The following ADAMTS2 variants were observed in gnomAD, a reference collection of about 807,000 sequenced individuals.
ADAMTS2 encodes ADAM metallopeptidase with thrombospondin type 1 motif 2.
Under a neutral mutation model 123.0 loss-of-function variants are expected in ADAMTS2, and 50 were observed. The ratio of observed to expected loss-of-function variants is 0.41; its 90% CI spans 0.32 to 0.51. ADAMTS2 has a LOEUF of 0.51. ADAMTS2 is among the 20% of genes least tolerant of loss of function. ADAMTS2 has a pLI of 0.35. For missense variants in ADAMTS2, 1,494 were observed against 1,705.2 expected (o/e 0.88, Z 2.18); for synonymous variants, 678 against 695.4 (o/e 0.98, Z 0.39).
Position 179,188,688 on chromosome 5 carries a change from C to T in ADAMTS2, c.892-7533G>A, listed in dbSNP as rs2113329819. Among the ~76,000 whole-genome samples the T allele has an allele frequency of 6.6e-6, 1 of 152,178 alleles. No individual in the cohort carries two copies. Among genetic ancestry groups the T allele is most frequent in the Admixed American group, 6.5e-5 (1 of 15,282 alleles). On this transcript the variant is annotated intron_variant, in intron 4 of 21. Coordinates refer to ENST00000251582, the MANE Select transcript of ADAMTS2 (RefSeq NM_014244.5). The surrounding 1 kb of genome is among the most constrained non-coding windows in gnomAD (Gnocchi z 5.1). ...TGGTCAGAGTCCCCTCCTTCAATAC[C>T]CAGCGCAGGAACACTCTGCCCAAGG...
intron 2 of ADAMTS2, among the ~76,000 whole-genome samples, chr5:179,275,018 C>G (rs1358063902): frequency 6.6e-6 from 1 of 152,160 alleles, no homozygotes; most frequent in Non-Finnish European, 1.5e-5. Context: ...GTGGACGGAG[C>G]ACAGCTGGTG....
intron 2 of ADAMTS2, among the ~76,000 whole-genome samples, chr5:179,275,065 G>C (rs1357652967): frequency 2.0e-5 from 3 of 152,164 alleles, no homozygotes; most frequent in African/African-American, 7.2e-5. Context: ...GGAGCATCAA[G>C]GGCACGGTGC....
chr5:179,136,167 C>T, intron 12 of ADAMTS2, 125 bp from the exon 13 acceptor site: 2 of 1,398,570 alleles, frequency 1.4e-6, no homozygotes, highest in Non-Finnish European at 2.0e-6. Flanking sequence ...CCAGGGCAGA[C>T]AGAGAGGGAA....
intron 10 of ADAMTS2, among the ~76,000 whole-genome samples, chr5:179,148,044 C>T (rs1763284515): frequency 6.6e-6 from 1 of 152,108 alleles, no homozygotes; most frequent in Non-Finnish European, 1.5e-5. Flanking sequence ...CTTCTGCTTC[C>T]CTCCCAAAGC....
At chr5:179,205,803 G>T (rs192489674) in intron 4 of ADAMTS2, among the ~76,000 whole-genome samples, 1 of 128,516 alleles carries the variant, frequency 7.8e-6, no homozygotes, top group Admixed American at 7.7e-5. Context: ...ACGGAGTCTC[G>T]CTCTGTCACT....
rs1554128903 is a variant in ADAMTS2 at position 179,189,510 on chromosome 5, G to GCTTTTTTTTTTTTTTTTTTTTTTTTT, written c.892-8356_892-8355insAAAAAAAAAAAAAAAAAAAAAAAAAG. Among the ~76,000 whole-genome samples the GCTTTTTTTTTTTTTTTTTTTTTTTTT allele has an allele frequency of 2.5e-5, 2 of 78,948 alleles. 1 individual carries two copies. Among genetic ancestry groups the GCTTTTTTTTTTTTTTTTTTTTTTTTT allele is most frequent in the African/African-American group, 8.9e-5 (2 of 22,366 alleles). 51.8% of individuals were successfully genotyped at this position (78,948 alleles called of 152,430 possible). On this transcript the variant is annotated intron_variant, in intron 4 of 21. Transcript: ENST00000251582. This position sits in a 1 kb window ranked among gnomAD's most constrained non-coding sequence, Gnocchi z 4.2. The stretch of plus-strand genomic sequence containing the variant: ...CTACAGGCGCCCGCCAGTGCGCCTG[G>GCTTTTTTTTTTTTTTTTTTTTTTTTT]TTTTTTTTTTTTTTTTTTTTTTTTT...
At chr5:179,204,371 T>G (rs2431255) in intron 4 of ADAMTS2, among the ~76,000 whole-genome samples, 36,499 of 152,218 alleles carry the variant, frequency 0.24, 4,597 homozygotes, top group Middle Eastern at 0.33. Flanking sequence ...GCAATTAAAA[T>G]TTTTTAAATT....
intron 2 of ADAMTS2, among the ~76,000 whole-genome samples, chr5:179,291,306 A>G (rs1383169454): frequency 6.6e-6 from 1 of 152,178 alleles, no homozygotes; most frequent in Non-Finnish European, 1.5e-5. Context: ...GTGGCAGCAG[A>G]CATCCTTCAC....
chr5:179,203,033 C>T (rs1764603417), intron 4 of ADAMTS2, among the ~76,000 whole-genome samples: 1 of 152,202 alleles, frequency 6.6e-6, no homozygotes, highest in Admixed American at 6.5e-5. Flanking sequence ...CAGGCTCTGC[C>T]ACAAAGAGAT....
chr5:179,125,195 C>A lies in ADAMTS2; in HGVS notation c.2751-15G>T. The A allele has an allele frequency of 6.2e-7, 1 of 1,610,866 alleles. No individual in the cohort carries two copies. The highest frequency in any genetic ancestry group is 8.5e-7 in the Non-Finnish European group (1 of 1,179,354). ...CTGTGACCCACCTGCCAGGGCAGAG[C>A]GGGGCACAGTCAGGCTTCCGCAGCA... is the stretch of plus-strand genomic sequence containing the variant. On this transcript the variant is annotated splice_polypyrimidine_tract_variant and intron_variant, in intron 18 of 21. Coordinates refer to ENST00000251582, the MANE Select transcript of ADAMTS2 (RefSeq NM_014244.5).
chr5:179,265,197 AG>A (rs146574655), intron 3 of ADAMTS2, among the ~76,000 whole-genome samples: 3 of 152,308 alleles, frequency 2.0e-5, no homozygotes, highest in Admixed American at 6.5e-5. Context: ...CAGCCAAGCC[AG>A]GGCCAAGGCC....
intron 2 of ADAMTS2, among the ~76,000 whole-genome samples, chr5:179,281,263 C>T (rs1339862798): frequency 6.6e-6 from 1 of 152,156 alleles, no homozygotes; most frequent in Non-Finnish European, 1.5e-5. Flanking sequence ...TCAACCATAA[C>T]CACTATTGAT....
intron 2 of ADAMTS2, among the ~76,000 whole-genome samples, chr5:179,321,271 C>G (rs560860644): frequency 1.3e-5 from 2 of 152,282 alleles, no homozygotes; most frequent in African/African-American, 4.8e-5. Context: ...CAAGCGCACA[C>G]GTAAACACTG....
chr5:179,120,556 G>T (rs1762736837), intron 21 of ADAMTS2: 1 of 152,396 alleles, frequency 6.6e-6, no homozygotes, highest in East Asian at 1.9e-4. Flanking sequence ...GCAGGGGTGC[G>T]GTGTGAACAG....
chr5:179,239,051 A>G (rs756062331), intron 3 of ADAMTS2, among the ~76,000 whole-genome samples: 2 of 152,120 alleles, frequency 1.3e-5, no homozygotes, highest in Non-Finnish European at 2.9e-5. Context: ...TATAATAAAA[A>G]CCATTGAATC....
At position 179,250,745 on chromosome 5, in the gene ADAMTS2, A is replaced by G. The variant is rs78875076; in HGVS notation, c.688+22166T>C. ...CATGCGGTAACCAAGAAGGGGAGCAAGTAGTTGGGTGACAAACCCTGTACA... is the reference window on the plus strand; with the variant it reads ...CATGCGGTAACCAAGAAGGGGAGCAGGTAGTTGGGTGACAAACCCTGTACA... On this transcript the variant is annotated intron_variant, in intron 3 of 21. Transcript: ENST00000251582. 5.7e-3 allele frequency among the ~76,000 whole-genome samples: 870 copies of G among 152,308 alleles called. 11 individuals carry two copies. Among genetic ancestry groups the G allele is most frequent in the African/African-American group, 0.02 (831 of 41,572 alleles).
At chr5:179,146,628 C>T (rs185542106) in intron 10 of ADAMTS2, among the ~76,000 whole-genome samples, 9 of 152,200 alleles carry the variant, frequency 5.9e-5, no homozygotes, top group East Asian at 3.8e-4. Flanking sequence ...GACTGTCAAA[C>T]GCTCCAAGGC....
intron 3 of ADAMTS2, among the ~76,000 whole-genome samples, chr5:179,214,370 T>C (rs1236110138): frequency 6.6e-6 from 1 of 152,206 alleles, no homozygotes; most frequent in Non-Finnish European, 1.5e-5. Context: ...ACCATTCTAA[T>C]AGGCCTAGAC....
At chr5:179,163,007 G>C (rs770402623) in intron 5 of ADAMTS2, among the ~76,000 whole-genome samples, 6 of 152,204 alleles carry the variant, frequency 3.9e-5, no homozygotes, top group Non-Finnish European at 8.8e-5. Flanking sequence ...AGTCTTTGAG[G>C]AGGAGTCAAG....
Sources: gnomAD v4.1 joint callset for allele counts (sites outside exome capture counted in the v4.1 genomes callset) on GRCh38, gnomAD v4.1.1 for gene constraint, Gnocchi (gnomAD v3.1) non-coding constraint, MANE v1.5 for transcripts, NCBI Gene and HGNC (gene_info 2026-07-23, HGNC 2026-07-21) for gene names.